USP15: variants seen among roughly 807,000 people sequenced by gnomAD.
The protein encoded by USP15 is ubiquitin specific peptidase 15.
In USP15, 18 loss-of-function variants were observed where a neutral mutation model predicts 127.1. The observed-to-expected ratio is 0.14, with a 90% CI of 0.10 to 0.21. USP15 has a LOEUF of 0.21. USP15 is among the 10% of genes least tolerant of loss of function. USP15 has a pLI of 1.00. For missense variants in USP15, 805 were observed against 1,159.9 expected (o/e 0.69, Z 4.44); for synonymous variants, 364 against 393.7 (o/e 0.92, Z 0.89).
At chr12:62,398,018 GCT>G (rs924646277) in intron 20 of USP15, among the ~76,000 whole-genome samples, 2 of 148,804 alleles carry the variant, frequency 1.3e-5, no homozygotes, top group East Asian at 2.0e-4. Context: ...TTTGAGACTG[GCT>G]CTCTCTCTGT....
intron 20 of USP15, among the ~76,000 whole-genome samples, chr12:62,400,390 A>G (rs545696930): frequency 7.2e-5 from 11 of 151,780 alleles, no homozygotes; most frequent in Admixed American, 7.2e-4. Flanking sequence ...TGTGTAGATT[A>G]TTTATAATAC....
intron 4 of USP15, among the ~76,000 whole-genome samples, chr12:62,319,260 C>T (rs1426237306): frequency 1.3e-5 from 2 of 152,140 alleles, no homozygotes; most frequent in East Asian, 1.9e-4. Flanking sequence ...GTCATGGGAA[C>T]AGCAAGGGGG....
In USP15 at chr12:62,409,614, G is replaced by A. The variant is rs2067988790; in HGVS notation, c.*5239G>A. 6.6e-6 allele frequency: 1 copy of A among 152,038 alleles called. No individual in the cohort carries two copies. Among genetic ancestry groups the A allele is most frequent in the Non-Finnish European group, 1.5e-5 (1 of 67,968 alleles). 9.4% of individuals were successfully genotyped at this position (152,038 alleles called of 1,614,324 possible). A position where few individuals can be genotyped will look rare whatever the true frequency, so the allele number is the denominator to read the frequency against. ...CTTGCAGCTTGTTCTATATAGTTTG[G>A]TGAAACAAACAAAACAGTTTTTATC... is the stretch of plus-strand genomic sequence containing the variant. On this transcript the variant is annotated 3_prime_UTR_variant, in exon 22 of 22. Transcript: ENST00000280377.
intron 19 of USP15, chr12:62,394,026 A>G (rs181490076): frequency 2.6e-5 from 4 of 152,362 alleles, no homozygotes; most frequent in Non-Finnish European, 4.4e-5. Context: ...TTGTAAAAAG[A>G]TATATCTATG....
rs566032764 is a variant in USP15, at chr12:62,278,354, C to T, written c.90-15825C>T. On this transcript the variant is annotated intron_variant, in intron 1 of 21. Transcript: ENST00000280377. The stretch of plus-strand genomic sequence containing the variant: ...GTAGAAGGAGCACACTCTAAAATAA[C>T]GATTATAGTAACAAAGTATAGTAAA... Among the ~76,000 whole-genome samples, 8 of 152,182 alleles carry T rather than the reference C, an allele frequency of 5.3e-5. No individual in the cohort carries two copies. In the South Asian group the frequency reaches 1.0e-3, roughly 20 times the overall value.
chr12:62,393,434 A>G (rs1237694600), intron 19 of USP15, among the ~76,000 whole-genome samples: 1 of 152,202 alleles, frequency 6.6e-6, no homozygotes, highest in East Asian at 1.9e-4. Flanking sequence ...AAAAATAAAA[A>G]CAATAAAAAT....
intron 1 of USP15, among the ~76,000 whole-genome samples, chr12:62,282,971 T>C (rs2063694322): frequency 6.6e-6 from 1 of 152,216 alleles, no homozygotes; most frequent in African/African-American, 2.4e-5. Context: ...TAATGTTATC[T>C]CAAGTCCATA....
At chr12:62,380,634 A>C (rs1485466831) in intron 8 of USP15, among the ~76,000 whole-genome samples, 1 of 152,038 alleles carries the variant, frequency 6.6e-6, no homozygotes, top group Non-Finnish European at 1.5e-5. Context: ...ACAGCAAAAA[A>C]AATTTACTTA....
intron 6 of USP15, chr12:62,335,047 G>C: frequency 1.2e-6 from 1 of 867,116 alleles, no homozygotes; most frequent in African/African-American, 1.7e-5. Context: ...TTTTCTGTCT[G>C]AGGGCACGAT....
intron 6 of USP15, among the ~76,000 whole-genome samples, chr12:62,338,301 C>A (rs1393179412): frequency 1.3e-5 from 2 of 151,062 alleles, no homozygotes; most frequent in Non-Finnish European, 3.0e-5. Flanking sequence ...CTGTTCATAT[C>A]CTTTGCCCAC....
chr12:62,389,001 T>C (rs1020730439), intron 11 of USP15, among the ~76,000 whole-genome samples: 1 of 152,164 alleles, frequency 6.6e-6, no homozygotes, highest in African/African-American at 2.4e-5. Context: ...GTCACACGCA[T>C]GTAGTCCTAG....
intron 8 of USP15, among the ~76,000 whole-genome samples, chr12:62,374,874 A>C (rs1427394804): frequency 1.3e-5 from 2 of 152,270 alleles, no homozygotes; most frequent in Non-Finnish European, 2.9e-5. Flanking sequence ...CTTTCCAAGT[A>C]ATTACATAAC....
intron 7 of USP15, among the ~76,000 whole-genome samples, chr12:62,352,301 C>A (rs73136851): frequency 0.078 from 11,843 of 151,628 alleles, 585 homozygotes; most frequent in Middle Eastern, 0.16. Context: ...TATGAAAAAT[C>A]CATTACTGTA....
intron 1 of USP15, among the ~76,000 whole-genome samples, chr12:62,274,824 G>C (rs1437070509): frequency 6.6e-6 from 1 of 152,138 alleles, no homozygotes; most frequent in Admixed American, 6.6e-5. Flanking sequence ...ATTTTAAACA[G>C]AAGTGAGATG....
At chr12:62,272,858 A>C (rs1315376027) in intron 1 of USP15, among the ~76,000 whole-genome samples, 1 of 152,068 alleles carries the variant, frequency 6.6e-6, no homozygotes, top group African/African-American at 2.4e-5. Context: ...ACTTTATGTA[A>C]GTTTTTGACG....
intron 8 of USP15, among the ~76,000 whole-genome samples, chr12:62,370,499 G>A (rs1296186091): frequency 6.6e-6 from 1 of 152,164 alleles, no homozygotes; most frequent in Non-Finnish European, 1.5e-5. Flanking sequence ...CTTACAAGTT[G>A]TGTGACCTTG....
At chr12:62,261,252 A>G (rs2063046615) in intron 1 of USP15, among the ~76,000 whole-genome samples, 1 of 152,222 alleles carries the variant, frequency 6.6e-6, no homozygotes. Flanking sequence ...ACTAACTGCT[A>G]ATATTCAAAC....
chr12:62,391,567 T>C, intron 16 of USP15, 138 bp downstream of exon 16: 1 of 1,130,746 alleles, frequency 8.8e-7, no homozygotes, highest in Non-Finnish European at 1.2e-6. Context: ...ATGAAAGGAC[T>C]TAATATCTAA....
chr12:62,335,995 T>C, intron 6 of USP15: 1 of 984,974 alleles, frequency 1.0e-6, no homozygotes, highest in Non-Finnish European at 1.2e-6. Context: ...TGTGCACAGC[T>C]CTAGGAGGCA....
Sources: gnomAD v4.1 joint callset for allele counts (sites outside exome capture counted in the v4.1 genomes callset) on GRCh38, gnomAD v4.1.1 for gene constraint, MANE v1.5 for transcripts, NCBI Gene and HGNC (gene_info 2026-07-23, HGNC 2026-07-21) for gene names.